The following ZMYM6 variants were observed in gnomAD, a reference collection of about 807,000 sequenced individuals.
ZMYM6 encodes the protein zinc finger MYM-type protein 6.
In ZMYM6, 90 loss-of-function variants were observed where a neutral mutation model predicts 134.0. The ratio of observed to expected loss-of-function variants is 0.67; its 90% confidence interval spans 0.57 to 0.80. The LOEUF is 0.80. ZMYM6 is among the 30% of genes least tolerant of loss of function. ZMYM6 has a pLI of 0.00. For synonymous variants in ZMYM6, 481 were observed against 524.1 expected (o/e 0.92, Z 1.12); for missense variants, 1,362 against 1,533.9 (o/e 0.89, Z 1.87).
At chr1:35,022,546 G>A (rs543507515) in intron 2 of ZMYM6, among the ~76,000 whole-genome samples, 1 of 152,114 alleles carries the variant, frequency 6.6e-6, no homozygotes, top group East Asian at 1.9e-4. Flanking sequence ...TTACAGGCAT[G>A]AGCCACCGCA....
chr1:35,025,341 C>T (rs951260290), intron 2 of ZMYM6, among the ~76,000 whole-genome samples: 1 of 151,458 alleles, frequency 6.6e-6, no homozygotes, highest in African/African-American at 2.4e-5. Flanking sequence ...GTGGTGGGCA[C>T]CTGTAATCCC....
At position 35,019,538 on chromosome 1, in the gene ZMYM6, A is replaced by C. The variant is rs1336512733; in HGVS notation, c.243T>G (p.Pro81=). 1.2e-6 allele frequency: 2 copies of C among 1,614,198 alleles called. No homozygotes were observed. The highest frequency in any genetic ancestry group is 2.2e-5 in the East Asian group (1 of 44,894). ...CCTTAATAGCAACAGCTGGAACTGA[A>C]GGAAGCAACACACTTGGGCCAGATG... ...FASSGPSVLL[P]SVPAVAIKVF... The change falls in exon 4 of 16, where the codon CCT becomes CCG. Residue 81 remains proline (P), a synonymous_variant. Transcript: ENST00000357182.
Position 35,010,557 on chromosome 1 carries a change from T to G in ZMYM6, c.1382A>C (p.Glu461Ala). ...CACAACTTTATTTTTCTTCTTGTATTCATCAGAGCAATTCTTGCCACAAAA... is the reference window on the plus strand; with the variant it reads ...CACAACTTTATTTTTCTTCTTGTATGCATCAGAGCAATTCTTGCCACAAAA... ...FLFCGKNCSD[E>A]YKKKNKVVAM... The change falls in exon 10 of 16, where the codon GAA becomes GCA. Residue 461 changes from glutamate (E) to alanine (A), a missense_variant. Coordinates refer to ENST00000357182, the MANE Select transcript of ZMYM6 (RefSeq NM_007167.4). 1 of 1,613,812 alleles carries G rather than the reference T, an allele frequency of 6.2e-7. No individual in the cohort carries two copies. Among genetic ancestry groups the G allele is most frequent in the Non-Finnish European group, 8.5e-7 (1 of 1,179,950 alleles).
At position 34,988,942 on chromosome 1, in the gene ZMYM6, G is replaced by T; in HGVS notation, c.2147-7C>A. On this transcript the variant is annotated splice_region_variant and splice_polypyrimidine_tract_variant and intron_variant, in intron 15 of 15. Coordinates refer to ENST00000357182, the MANE Select transcript of ZMYM6 (RefSeq NM_007167.4). ...TCATTAGGCATAGGTAAATCTGAATGAAATATTTGAATCACTGTTATTTTC... is the reference window on the plus strand; with the variant it reads ...TCATTAGGCATAGGTAAATCTGAATTAAATATTTGAATCACTGTTATTTTC... 6.2e-7 allele frequency: 1 copy of T among 1,601,856 alleles called. No homozygotes were observed. Among genetic ancestry groups the T allele is most frequent in the South Asian group, 1.1e-5 (1 of 87,766 alleles).
intron 4 of ZMYM6, chr1:35,018,055 T>A (rs1039531498): frequency 9.2e-5 from 14 of 152,130 alleles, no homozygotes; most frequent in African/African-American, 3.1e-4. Flanking sequence ...TTAAAATTCC[T>A]CTCTCCTGGC....
At position 35,010,452 on chromosome 1, in the gene ZMYM6, C is replaced by T; in HGVS notation, c.1487G>A (p.Ser496Asn). ...TAAAACAACTTTGTCTTTACCTTCACTACAGAATGGCTTATCAACCCCTGA... is the reference window on the plus strand; with the variant it reads ...TAAAACAACTTTGTCTTTACCTTCATTACAGAATGGCTTATCAACCCCTGA... Reference protein sequence around the residue: ...RFSGVDKPFCSEVCKFLSARD... With the variant: ...RFSGVDKPFCNEVCKFLSARD... Residue 496 changes from serine to asparagine, a missense_variant, in exon 10 of 16, where the codon AGT becomes AAT. Ser to Asn is a conservative substitution (Grantham distance 46, BLOSUM62 1). This residue lies in a region of ZMYM6 where 35 missense variants were observed against 72.2 expected (regional missense o/e 0.48). Coordinates refer to ENST00000357182, the MANE Select transcript of ZMYM6 (RefSeq NM_007167.4). 1 of 1,610,900 alleles carries T rather than the reference C, an allele frequency of 6.2e-7. No individual in the cohort carries two copies. The highest frequency in any genetic ancestry group is 2.2e-5 in the East Asian group (1 of 44,870).
intron 4 of ZMYM6, 32 bp from the exon 5 acceptor site, chr1:35,015,194 T>C (rs773224918): frequency 6.5e-7 from 1 of 1,545,746 alleles, no homozygotes; most frequent in Non-Finnish European, 8.7e-7. Context: ...AAAAATGAAA[T>C]GTATTCTTCA....
intron 6 of ZMYM6, chr1:35,013,470 A>T (rs886106297): frequency 1.0e-5 from 10 of 984,518 alleles, no homozygotes; most frequent in Non-Finnish European, 1.2e-5. Context: ...CAAAATTAGA[A>T]ATGGAACTGA....
chr1:35,025,046 T>C (rs1430965841), intron 2 of ZMYM6, among the ~76,000 whole-genome samples: 1 of 152,104 alleles, frequency 6.6e-6, no homozygotes, highest in African/African-American at 2.4e-5. Context: ...TTTTTTTGTA[T>C]TTTTAGTAGA....
chr1:35,004,667 A>G (rs993750655), intron 13 of ZMYM6, among the ~76,000 whole-genome samples: 2 of 151,704 alleles, frequency 1.3e-5, no homozygotes, highest in Non-Finnish European at 2.9e-5. Context: ...TCCCATCCAC[A>G]CCACCTTGCT....
chr1:34,993,565 G>A (rs1432171932), intron 14 of ZMYM6, among the ~76,000 whole-genome samples: 3 of 152,198 alleles, frequency 2.0e-5, no homozygotes, highest in Non-Finnish European at 4.4e-5. Flanking sequence ...AATGCCACTT[G>A]CTACCTTAAT....
chr1:35,012,081 G>A, intron 7 of ZMYM6, 76 bp from the exon 8 acceptor site: 2 of 910,942 alleles, frequency 2.2e-6, no homozygotes, highest in Non-Finnish European at 1.6e-6. Context: ...TTGGGAGAAT[G>A]AAAAAATTAA....
At chr1:35,027,283 A>G (rs1359425552) in intron 2 of ZMYM6, among the ~76,000 whole-genome samples, 1 of 152,236 alleles carries the variant, frequency 6.6e-6, no homozygotes, top group Admixed American at 6.5e-5. Context: ...GATGGTTTGG[A>G]TGTCACATTG....
chr1:35,007,222 G>A (rs773014828), intron 11 of ZMYM6, 124 bp from the exon 12 acceptor site: 127 of 869,608 alleles, frequency 1.5e-4, no homozygotes, highest in Non-Finnish European at 1.9e-4. Context: ...CAAAATGTAA[G>A]GTTCTTACCT....
intron 10 of ZMYM6, among the ~76,000 whole-genome samples, chr1:35,009,552 C>A (rs970609054): frequency 6.6e-6 from 1 of 152,222 alleles, no homozygotes; most frequent in African/African-American, 2.4e-5. Flanking sequence ...GATGTCATAG[C>A]TAAACTTATG....
intron 4 of ZMYM6, chr1:35,018,947 C>T (rs141576431): frequency 2.7e-5 from 6 of 219,688 alleles, no homozygotes; most frequent in Non-Finnish European, 5.3e-5. Context: ...ATTTTTGCGA[C>T]CATGTAGAGT....
intron 14 of ZMYM6, among the ~76,000 whole-genome samples, chr1:34,993,115 CT>C (rs11314796): frequency 0.24 from 33,461 of 138,780 alleles, 8,497 homozygotes; most frequent in African/African-American, 0.66. Flanking sequence ...TTTCTTTTTT[CT>C]TTTTTTTTTT....
At chr1:35,018,532 A>AT in intron 4 of ZMYM6, 1 of 151,870 alleles carries the variant, frequency 6.6e-6, no homozygotes. Context: ...ATCGCACGAT[A>AT]TAATTTTTAT....
At chr1:35,002,893 T>TG in intron 14 of ZMYM6, among the ~76,000 whole-genome samples, 1 of 152,228 alleles carries the variant, frequency 6.6e-6, no homozygotes, top group South Asian at 2.1e-4. Context: ...CAGCACAAGC[T>TG]GGGCACCATC....
Sources: allele counts gnomAD v4.1 joint callset (sites outside exome capture counted in the v4.1 genomes callset), GRCh38; gene constraint gnomAD v4.1.1; regional missense constraint gnomAD v4.1.1; transcripts MANE v1.5; gene names NCBI Gene and HGNC (gene_info 2026-07-23, HGNC 2026-07-21).